Variants in ITGA9 observed in about 807,000 individuals in gnomAD.
ITGA9 encodes the protein integrin subunit alpha 9.
A neutral mutation model predicts 127.8 loss-of-function variants in ITGA9; 56 were observed. That is an observed-to-expected ratio of 0.44 (90% CI 0.35 to 0.55). The LOEUF (loss-of-function observed/expected upper bound fraction) is 0.55, where lower values mean the gene tolerates loss of function less well. Among genes scored for constraint, ITGA9 ranks in the 20% least tolerant of loss-of-function variants. ITGA9 has a pLI of 0.00. For synonymous variants in ITGA9, 508 were observed against 514.5 expected, an observed-to-expected ratio of 0.99 and a Z score of 0.17; for missense variants, 1,196 against 1,347.1, an observed-to-expected ratio of 0.89 and a Z score of 1.76.
chr3:37,810,885 G>A (rs537518391), intron 27 of ITGA9, among the ~76,000 whole-genome samples: 7 of 152,262 alleles, frequency 4.6e-5, no homozygotes, highest in Non-Finnish European at 8.8e-5. Flanking sequence ...GTGTCAGCAA[G>A]TGTCTTTTCC....
chr3:37,535,536 G>T (rs13325058), intron 14 of ITGA9, among the ~76,000 whole-genome samples: 1 of 152,112 alleles, frequency 6.6e-6, no homozygotes, highest in Non-Finnish European at 1.5e-5. Context: ...CCCCAGAAGT[G>T]TTGGGGTAAA....
At chr3:37,552,027 C>T (rs1473243821) in intron 15 of ITGA9, among the ~76,000 whole-genome samples, 1 of 152,312 alleles carries the variant, frequency 6.6e-6, no homozygotes, top group Admixed American at 6.5e-5. Flanking sequence ...TAATGAAAGT[C>T]GTGTTTGGGT....
intron 4 of ITGA9, among the ~76,000 whole-genome samples, chr3:37,489,719 G>A (rs1036265566): frequency 1.0e-4 from 13 of 129,554 alleles, no homozygotes; most frequent in African/African-American, 3.3e-4. Flanking sequence ...TACTAGAGCT[G>A]TGTCTGCCCA....
chr3:37,487,730 G>A (rs1347408743), intron 4 of ITGA9, among the ~76,000 whole-genome samples: 1 of 152,090 alleles, frequency 6.6e-6, no homozygotes, highest in South Asian at 2.1e-4. Context: ...AGGGGTTGAC[G>A]GCTTTTAAGT....
chr3:37,650,709 G>T (rs183873671), intron 16 of ITGA9, among the ~76,000 whole-genome samples: 1 of 152,090 alleles, frequency 6.6e-6, no homozygotes, highest in Non-Finnish European at 1.5e-5. Context: ...GGGATTACAG[G>T]TGTGAGCCAC....
chr3:37,635,118 A>G (rs544748185), intron 16 of ITGA9, among the ~76,000 whole-genome samples: 1 of 152,314 alleles, frequency 6.6e-6, no homozygotes, highest in South Asian at 2.1e-4. Flanking sequence ...GAGTATAAAG[A>G]AGAATGTTGA....
At chr3:37,541,026 A>G (rs952373000) in intron 14 of ITGA9, among the ~76,000 whole-genome samples, 1 of 152,252 alleles carries the variant, frequency 6.6e-6, no homozygotes, top group Non-Finnish European at 1.5e-5. Context: ...AGAAGCATCA[A>G]AAATACGCCC....
intron 13 of ITGA9, among the ~76,000 whole-genome samples, chr3:37,529,647 A>G (rs1213552848): frequency 2.0e-5 from 3 of 152,210 alleles, no homozygotes; most frequent in African/African-American, 7.2e-5. Context: ...CAAGTCCCTT[A>G]CCCTCTTGGA....
At chr3:37,572,285 AC>A (rs1699609713) in intron 15 of ITGA9, among the ~76,000 whole-genome samples, 1 of 152,126 alleles carries the variant, frequency 6.6e-6, no homozygotes, top group African/African-American at 2.4e-5. Context: ...TATTAAGAGT[AC>A]TTTTTAAGTT....
At chr3:37,667,473 A>G (rs1700597077) in intron 17 of ITGA9, among the ~76,000 whole-genome samples, 1 of 152,208 alleles carries the variant, frequency 6.6e-6, no homozygotes, top group South Asian at 2.1e-4. Flanking sequence ...TGTCCACAGC[A>G]CGTCCACAGG....
At chr3:37,750,689 C>G in intron 23 of ITGA9, 120 bp downstream of exon 23, 3 of 762,448 alleles carry the variant, frequency 3.9e-6, no homozygotes, top group Non-Finnish European at 7.0e-6. Context: ...TCATTCTACC[C>G]TTTGGAGACA....
rs368544073 is a variant in ITGA9, at chr3:37,636,822, A to G, written c.1839+7486A>G. ...ATTAATTTTTGTATAAGGTGTAAGG[A>G]AGGGATCCAGTTTCAGCTTTCTACA... On this transcript the variant is annotated intron_variant, in intron 16 of 27. Coordinates refer to ENST00000264741, the MANE Select transcript of ITGA9 (RefSeq NM_002207.3). Among the ~76,000 whole-genome samples, 16 of 152,018 alleles carry G rather than the reference A, an allele frequency of 1.1e-4. No individual in the cohort carries two copies. In the East Asian group the frequency reaches 2.7e-3, roughly 26 times the overall value.
chr3:37,592,133 A>G (rs970097758), intron 15 of ITGA9, among the ~76,000 whole-genome samples: 1 of 152,146 alleles, frequency 6.6e-6, no homozygotes, highest in Non-Finnish European at 1.5e-5. Flanking sequence ...GGACTGAGAC[A>G]TCTCCCTTTA....
At chr3:37,710,379 G>A (rs76921315) in intron 18 of ITGA9, among the ~76,000 whole-genome samples, 107 of 143,182 alleles carry the variant, frequency 7.5e-4, no homozygotes, top group African/African-American at 2.7e-3. Flanking sequence ...AGAAACTGAC[G>A]GTGTTGTCAA....
At chr3:37,665,510 C>T (rs758498774) in intron 17 of ITGA9, among the ~76,000 whole-genome samples, 1 of 151,870 alleles carries the variant, frequency 6.6e-6, no homozygotes, top group East Asian at 1.9e-4. Context: ...AGTACAGTGG[C>T]GCTATCTTGG....
chr3:37,593,307 G>A (rs979354521), intron 15 of ITGA9, among the ~76,000 whole-genome samples: 2 of 152,132 alleles, frequency 1.3e-5, no homozygotes, highest in African/African-American at 2.4e-5. Flanking sequence ...GTTTTTTGTT[G>A]TATTGTTATT....
Position 37,803,732 on chromosome 3 carries a change from C to A in ITGA9, c.2890-91C>A, listed in dbSNP as rs531599818. 677 of 1,464,556 alleles carry A rather than the reference C, an allele frequency of 4.6e-4. 1 individual carries two copies. Among genetic ancestry groups the A allele is most frequent in the Non-Finnish European group, 6.1e-4 (642 of 1,060,608 alleles). 90.7% of individuals were successfully genotyped at this position (1,464,556 alleles called of 1,614,324 possible). On this transcript the variant is annotated intron_variant, in intron 26 of 27. Coordinates refer to ENST00000264741, the MANE Select transcript of ITGA9 (RefSeq NM_002207.3). ...GAGGTTGCAGTGAGCCGAGATTGTG[C>A]CATTGCACTCCAGCCTGGGTGACAG... is the stretch of plus-strand genomic sequence containing the variant.
chr3:37,717,975 G>A (rs1036203130), intron 18 of ITGA9, among the ~76,000 whole-genome samples: 2 of 152,210 alleles, frequency 1.3e-5, no homozygotes, highest in African/African-American at 4.8e-5. Flanking sequence ...AGGGAGGCCA[G>A]TTTCAGCCCC....
At chr3:37,474,697 G>C (rs191509972) in intron 3 of ITGA9, among the ~76,000 whole-genome samples, 1 of 152,304 alleles carries the variant, frequency 6.6e-6, no homozygotes, top group African/African-American at 2.4e-5. Context: ...GCTGTACGAA[G>C]ATTTTTGTTA....
Sources: allele counts gnomAD v4.1 joint callset (sites outside exome capture counted in the v4.1 genomes callset), GRCh38; gene constraint gnomAD v4.1.1; transcripts MANE v1.5; gene names NCBI Gene and HGNC (gene_info 2026-07-23, HGNC 2026-07-21).